TRPA1: variants seen among roughly 807,000 people sequenced by gnomAD.
TRPA1 encodes ankyrin-like with transmembrane domains 1.
TRPA1 carries 129 observed loss-of-function variants against 131.3 expected under a neutral mutation model. The observed-to-expected ratio is 0.98, with a 90% CI of 0.85 to 1.14. TRPA1 has a LOEUF of 1.14. Among genes scored for constraint, TRPA1 ranks in the 50% most tolerant of loss-of-function variants. The pLI, the probability that TRPA1 is intolerant of heterozygous loss-of-function variation, is 0.00. For synonymous variants in TRPA1, 441 were observed against 451.7 expected (o/e 0.98, Z 0.30); for missense variants, 1,304 against 1,354.2 (o/e 0.96, Z 0.58).
At position 72,034,228 on chromosome 8, in the gene TRPA1, T is replaced by C. The variant is rs757064902; in HGVS notation, c.2685+20A>G. The C allele has an allele frequency of 1.1e-5, 18 of 1,595,574 alleles. No individual in the cohort carries two copies. In the African/African-American group the frequency reaches 2.3e-4, roughly 20 times the overall value. The stretch of plus-strand genomic sequence containing the variant: ...CATAATTCACAGCGACAAAATCAAC[T>C]ACTGATGTAACTGTCTTACCTGTAA... On this transcript the variant is annotated intron_variant, in intron 22 of 26. Transcript: ENST00000262209.
In TRPA1 at chr8:72,042,691, T is replaced by C. The variant is rs373440317; in HGVS notation, c.2062-2894A>G. On this transcript the variant is annotated intron_variant, in intron 17 of 26. Coordinates refer to ENST00000262209, the MANE Select transcript of TRPA1 (RefSeq NM_007332.3). ...TCAACAGACAAACAGATAAGGAAAA[T>C]ATGGTATATACATACAATGGAATAT... Among the ~76,000 whole-genome samples, 32 of 151,820 alleles carry C rather than the reference T, an allele frequency of 2.1e-4. 1 individual carries two copies. The South Asian group carries it at 6.6e-3, about 32-fold the overall frequency.
chr8:72,047,662 A>C (rs1470843742), intron 15 of TRPA1, among the ~76,000 whole-genome samples: 1 of 152,084 alleles, frequency 6.6e-6, no homozygotes, highest in Non-Finnish European at 1.5e-5. Flanking sequence ...CTTAATATAA[A>C]CTTTGTTTCA....
chr8:72,023,635 G>T, intron 26 of TRPA1, 179 bp downstream of exon 26: 3 of 536,538 alleles, frequency 5.6e-6, no homozygotes, highest in South Asian at 2.4e-5. Context: ...GTGAATAGTG[G>T]CAAATATGTT....
At chr8:72,050,715 T>C in intron 15 of TRPA1, 63 bp downstream of exon 15, 2 of 1,052,742 alleles carry the variant, frequency 1.9e-6, no homozygotes, top group Non-Finnish European at 3.0e-6. Context: ...TATTATTAGG[T>C]TGTGATTACA....
At chr8:72,080,311 A>AT (rs199975499), upstream of TRPA1, among the ~76,000 whole-genome samples, 5,818 of 151,874 alleles carry the variant, frequency 0.038, 373 homozygotes, top group African/African-American at 0.13. Context: ...TGAGGAAAAT[A>AT]TTTTATAATT....
the TRPA1 span, among the ~76,000 whole-genome samples, chr8:72,083,475 C>A: frequency 6.6e-6 from 1 of 152,004 alleles, no homozygotes; most frequent in African/African-American, 2.4e-5. Flanking sequence ...TGGCTCACGC[C>A]TGTAATCCCA....
chr8:72,072,913 T>C (rs1172244554), intron 1 of TRPA1, among the ~76,000 whole-genome samples: 1 of 152,190 alleles, frequency 6.6e-6, no homozygotes, highest in Admixed American at 6.5e-5. Flanking sequence ...ATACTTTACA[T>C]GAGCATATCA....
chr8:72,025,713 G>A (rs531977720), intron 25 of TRPA1, among the ~76,000 whole-genome samples: 1 of 152,212 alleles, frequency 6.6e-6, no homozygotes, highest in East Asian at 1.9e-4. Context: ...GCTCTCACAG[G>A]GACAGCACGC....
At chr8:72,052,405 G>A in intron 14 of TRPA1, 194 bp downstream of exon 14, 1 of 532,248 alleles carries the variant, frequency 1.9e-6, no homozygotes, top group East Asian at 5.1e-5. Flanking sequence ...CTGTGCGACA[G>A]AGCTAGACCT....
At chr8:72,082,773 T>C in the TRPA1 span, among the ~76,000 whole-genome samples, 1 of 152,058 alleles carries the variant, frequency 6.6e-6, no homozygotes, top group Non-Finnish European at 1.5e-5. Flanking sequence ...AAGGTATCCA[T>C]GTATTGACAT....
Position 72,062,783 on chromosome 8 carries a change from G to T in TRPA1, c.807+16C>A, listed in dbSNP as rs1290851090. The T allele has an allele frequency of 1.9e-6, 3 of 1,612,568 alleles. No homozygotes were observed. In the Admixed American group the frequency reaches 5.0e-5, roughly 27 times the overall value. On this transcript the variant is annotated intron_variant, in intron 6 of 26. Transcript: ENST00000262209. ...AACTCTAAGATAAAAGTGTTATATA[G>T]AATATGAAGAGTTACCTCCACTGGG... is the stretch of plus-strand genomic sequence containing the variant.
the TRPA1 span, among the ~76,000 whole-genome samples, chr8:72,083,695 A>G: frequency 1.3e-5 from 2 of 152,154 alleles, no homozygotes. Context: ...GTGAGCCGAG[A>G]TAACACCACT....
chr8:72,077,358 G>A (rs1157138771), upstream of TRPA1, among the ~76,000 whole-genome samples: 1 of 152,036 alleles, frequency 6.6e-6, no homozygotes, highest in East Asian at 1.9e-4. Flanking sequence ...AATTCTGGGA[G>A]AAGGGTGGCT....
rs963794007 is a variant in TRPA1 at position 72,065,511 on chromosome 8, A to G, written c.492T>C (p.Asn164=). ...RTIDVNLEGE[N]GNTAVIIACT... is the part of the protein sequence containing the mutation. ...ACGCAATGATCACAGCTGTGTTTCC[A>G]TTTTCTCCTTCCAAATTAACATCAA... Residue 164 remains asparagine (N), a synonymous_variant, in exon 4 of 27, where the codon AAT becomes AAC. Coordinates refer to ENST00000262209, the MANE Select transcript of TRPA1 (RefSeq NM_007332.3). The G allele has an allele frequency of 1.2e-6, 2 of 1,613,594 alleles. No homozygotes were observed. The highest frequency in any genetic ancestry group is 1.7e-6 in the Non-Finnish European group (2 of 1,179,732).
upstream of TRPA1, among the ~76,000 whole-genome samples, chr8:72,075,859 AGTGTGTGTGTGTGTGTGT>A (rs61575164): frequency 1.3e-3 from 174 of 135,094 alleles, 2 homozygotes; most frequent in East Asian, 0.019. Flanking sequence ...CTTGCATGTG[AGTGTGTGTGTGTGTGTGT>A]GTGTGTGTGT....
chr8:72,087,922 T>A, the TRPA1 span, among the ~76,000 whole-genome samples: 5,828 of 152,260 alleles, frequency 0.038, 375 homozygotes, highest in African/African-American at 0.13. Flanking sequence ...GGAGGGCAGC[T>A]CTATGTGCTT....
chr8:72,078,554 G>A (rs1806231020), upstream of TRPA1, among the ~76,000 whole-genome samples: 1 of 151,988 alleles, frequency 6.6e-6, no homozygotes, highest in African/African-American at 2.4e-5. Context: ...TAATACACTT[G>A]AGATTAACCC....
chr8:72,024,057 A>G, intron 25 of TRPA1, 146 bp from the exon 26 acceptor site: 1 of 631,348 alleles, frequency 1.6e-6, no homozygotes, highest in Non-Finnish European at 2.9e-6. Flanking sequence ...GCTAGGAGAA[A>G]GAGACATGTG....
intron 17 of TRPA1, among the ~76,000 whole-genome samples, chr8:72,042,570 T>C (rs1812290820): frequency 6.6e-6 from 1 of 151,888 alleles, no homozygotes; most frequent in Non-Finnish European, 1.5e-5. Context: ...TAAATGTGTA[T>C]ATGAAGAGTT....
Sources: allele counts gnomAD v4.1 joint callset (sites outside exome capture counted in the v4.1 genomes callset), GRCh38; gene constraint gnomAD v4.1.1; transcripts MANE v1.5; gene names NCBI Gene and HGNC (gene_info 2026-07-23, HGNC 2026-07-21).